Variants in MYLK observed in about 807,000 individuals in gnomAD.
The protein encoded by MYLK is myosin light chain kinase, smooth muscle.
In MYLK, 106 loss-of-function variants were observed where a neutral mutation model predicts 203.4. That is an observed-to-expected ratio of 0.52 (90% CI 0.45 to 0.61). The LOEUF is 0.61. Ranked by LOEUF, MYLK falls within the 20% of genes least tolerant of loss-of-function variation. The pLI is 0.00. For missense variants in MYLK, 2,072 were observed against 2,442.3 expected (o/e 0.85, Z 3.20); for synonymous variants, 867 against 959.5 (o/e 0.90, Z 1.78).
chr3:123,618,989 C>T (rs2057685339), intron 32 of MYLK, among the ~76,000 whole-genome samples: 1 of 152,188 alleles, frequency 6.6e-6, no homozygotes, highest in African/African-American at 2.4e-5. Flanking sequence ...GAGGAAGGAT[C>T]AGACTCCCCC....
chr3:123,686,994 G>C (rs1158399139), intron 19 of MYLK, among the ~76,000 whole-genome samples: 1 of 152,170 alleles, frequency 6.6e-6, no homozygotes, highest in African/African-American at 2.4e-5. Context: ...GGCTGAGGCG[G>C]GTGGATCACC....
chr3:123,700,993 A>G lies in MYLK; in HGVS notation c.2475T>C (p.Pro825=). Residue 825 remains proline, a synonymous_variant, in exon 18 of 34, where the codon CCT becomes CCC. Transcript: ENST00000360304. ...CACCACAGAGGTCCTCGCAGCTGGC[A>G]GGCTCCCTCCCCCTGCAACCAGTGT... is the stretch of plus-strand genomic sequence containing the variant. ...SARALPRGRE[P]ASCEDLCGGG... is the part of the protein sequence containing the mutation. The G allele has an allele frequency of 6.2e-7, 1 of 1,605,244 alleles. No homozygotes were observed. The highest frequency in any genetic ancestry group is 8.5e-7 in the Non-Finnish European group (1 of 1,179,958).
intron 2 of MYLK, among the ~76,000 whole-genome samples, chr3:123,865,155 T>G (rs1035265591): frequency 2.6e-5 from 4 of 152,190 alleles, no homozygotes; most frequent in Non-Finnish European, 5.9e-5. Flanking sequence ...ACTCTGCTGC[T>G]CAACAATATT....
chr3:123,805,703 G>A (rs2065343962), intron 3 of MYLK, among the ~76,000 whole-genome samples: 1 of 152,198 alleles, frequency 6.6e-6, no homozygotes, highest in Non-Finnish European at 1.5e-5. Flanking sequence ...CACGTCACAG[G>A]CTTTGTTGTT....
At chr3:123,854,589 C>T (rs1007327936) in intron 2 of MYLK, among the ~76,000 whole-genome samples, 3 of 152,034 alleles carry the variant, frequency 2.0e-5, no homozygotes, top group Non-Finnish European at 4.4e-5. Flanking sequence ...GAACAATAGA[C>T]ACTGGTGACT....
At chr3:123,774,295 G>A (rs1347200959) in intron 4 of MYLK, among the ~76,000 whole-genome samples, 3 of 152,156 alleles carry the variant, frequency 2.0e-5, no homozygotes, top group Non-Finnish European at 2.9e-5. Flanking sequence ...GTCAGGCAGA[G>A]GTTACAATAC....
In MYLK at chr3:123,629,483, T is replaced by C; in HGVS notation, c.5105A>G (p.Lys1702Arg). ...AKDFISNLLKKDMKNRLDCTQ... is the reference protein window; with the variant it reads ...AKDFISNLLKRDMKNRLDCTQ... ...AATCCCAACTCATTACTTCATATCT[T>C]TCTTCAGCAGATTGCTGATGAAATC... Residue 1702 changes from lysine (K) to arginine (R), a missense_variant, in exon 30 of 34, where the codon AAA becomes AGA. Physicochemically the swap from Lys to Arg is conservative, Grantham distance 26 (BLOSUM62 2). Transcript: ENST00000360304. The surrounding 1 kb of genome is among the most constrained non-coding windows in gnomAD (Gnocchi z 4.4). The C allele has an allele frequency of 1.2e-6, 2 of 1,614,182 alleles. No homozygotes were observed. Among genetic ancestry groups the C allele is most frequent in the South Asian group, 1.1e-5 (1 of 91,084 alleles).
chr3:123,828,282 G>C (rs949653591), intron 3 of MYLK, among the ~76,000 whole-genome samples: 1 of 151,968 alleles, frequency 6.6e-6, no homozygotes. Flanking sequence ...AACAAATAGA[G>C]AACCCAGAAA....
At chr3:123,797,471 G>A (rs2065030400) in intron 3 of MYLK, among the ~76,000 whole-genome samples, 1 of 152,140 alleles carries the variant, frequency 6.6e-6, no homozygotes, top group African/African-American at 2.4e-5. Flanking sequence ...CGGAAGGAAT[G>A]GGCATCATCT....
intron 31 of MYLK, 59 bp downstream of exon 31, chr3:123,626,759 G>A (rs2058166055): frequency 6.2e-7 from 1 of 1,612,292 alleles, no homozygotes; most frequent in South Asian, 1.1e-5. Flanking sequence ...GAATGAAAGT[G>A]GCTTGAACAA....
Position 123,817,635 on chromosome 3 carries a change from C to T in MYLK, c.-4+13913G>A, listed in dbSNP as rs2065792662. On this transcript the variant is annotated intron_variant, in intron 3 of 33. Coordinates refer to ENST00000360304, the MANE Select transcript of MYLK (RefSeq NM_053025.4). ...ACAGAACCACAGAATCTTATTCTGT[C>T]CCAAACTGGGCAACAGTGGGCCTCA... 2.6e-5 allele frequency among the ~76,000 whole-genome samples: 4 copies of T among 152,182 alleles called. No homozygotes were observed. In the South Asian group the frequency reaches 8.3e-4, roughly 32 times the overall value.
chr3:123,820,282 T>C (rs1374031969), intron 3 of MYLK, among the ~76,000 whole-genome samples: 2 of 152,048 alleles, frequency 1.3e-5, no homozygotes, highest in Non-Finnish European at 2.9e-5. Context: ...AAGAACATGG[T>C]TGTATGAATG....
At chr3:123,753,285 A>G (rs1328049088) in intron 4 of MYLK, among the ~76,000 whole-genome samples, 1 of 152,214 alleles carries the variant, frequency 6.6e-6, no homozygotes, top group Non-Finnish European at 1.5e-5. Flanking sequence ...ATGTATTCAG[A>G]TTAATTTCAG....
intron 3 of MYLK, among the ~76,000 whole-genome samples, chr3:123,800,859 T>TG (rs1258416298): frequency 1.3e-5 from 2 of 152,182 alleles, no homozygotes; most frequent in Non-Finnish European, 2.9e-5. Flanking sequence ...TGTCTCAGGG[T>TG]GGGCCCCATT....
chr3:123,670,434 G>C (rs957725218), intron 20 of MYLK, among the ~76,000 whole-genome samples: 1 of 152,062 alleles, frequency 6.6e-6, no homozygotes, highest in Non-Finnish European at 1.5e-5. Flanking sequence ...GGACAGCAGT[G>C]GTATGAGGAT....
intron 3 of MYLK, among the ~76,000 whole-genome samples, chr3:123,816,560 T>A (rs1310643218): frequency 6.6e-6 from 1 of 152,222 alleles, no homozygotes; most frequent in African/African-American, 2.4e-5. Context: ...AAATTGAAGA[T>A]GTATTTCACT....
intron 2 of MYLK, among the ~76,000 whole-genome samples, chr3:123,834,207 T>A (rs2066418946): frequency 6.6e-6 from 1 of 152,024 alleles, no homozygotes; most frequent in African/African-American, 2.4e-5. Flanking sequence ...CACCATGTCC[T>A]GCTAATTTTT....
chr3:123,668,770 G>T (rs903313514), intron 20 of MYLK, among the ~76,000 whole-genome samples: 7 of 151,906 alleles, frequency 4.6e-5, no homozygotes, highest in African/African-American at 1.7e-4. Flanking sequence ...TTCTCATCTC[G>T]CTTTATGGTC....
At chr3:123,627,907 T>C (rs2058229267) in intron 30 of MYLK, among the ~76,000 whole-genome samples, 1 of 152,198 alleles carries the variant, frequency 6.6e-6, no homozygotes. Context: ...GTTACTGACT[T>C]AATTCAAGGT....
Sources: gnomAD v4.1 joint callset for allele counts (sites outside exome capture counted in the v4.1 genomes callset) on GRCh38, gnomAD v4.1.1 for gene constraint, Gnocchi (gnomAD v3.1) non-coding constraint, MANE v1.5 for transcripts, NCBI Gene and HGNC (gene_info 2026-07-23, HGNC 2026-07-21) for gene names.